CCDC148: variants seen among roughly 807,000 people sequenced by gnomAD.
CCDC148 encodes coiled-coil domain containing 148.
Under a neutral mutation model 85.7 loss-of-function variants are expected in CCDC148, and 89 were observed. The ratio of observed to expected loss-of-function variants is 1.04; its 90% CI spans 0.87 to 1.24. The LOEUF is 1.24. Ranked by LOEUF, CCDC148 falls within the 50% of genes most tolerant of loss-of-function variation. The pLI is 0.00. For synonymous variants in CCDC148, 230 were observed against 213.9 expected (o/e 1.08, Z -0.66); for missense variants, 692 against 671.7 (o/e 1.03, Z -0.33).
chr2:158,226,621 A>T (rs376125774), intron 10 of CCDC148, among the ~76,000 whole-genome samples: 13 of 152,268 alleles, frequency 8.5e-5, no homozygotes, highest in East Asian at 7.7e-4. Flanking sequence ...TCAAGTGGGC[A>T]TCATCCCTGG....
At chr2:158,336,111 G>A (rs1052464962) in intron 7 of CCDC148, among the ~76,000 whole-genome samples, 2 of 152,062 alleles carry the variant, frequency 1.3e-5, no homozygotes, top group Non-Finnish European at 2.9e-5. Context: ...CAATCTATGT[G>A]AGCCCAATAA....
At chr2:158,311,276 C>A (rs1263004754) in intron 8 of CCDC148, among the ~76,000 whole-genome samples, 1 of 152,236 alleles carries the variant, frequency 6.6e-6, no homozygotes. Flanking sequence ...TGGAGACCAG[C>A]CCGGCCAACA....
At chr2:158,325,792 A>G (rs1692740687) in intron 7 of CCDC148, among the ~76,000 whole-genome samples, 1 of 152,180 alleles carries the variant, frequency 6.6e-6, no homozygotes, top group South Asian at 2.1e-4. Context: ...ACTATTTGGA[A>G]CTATTCTTGT....
At chr2:158,309,992 T>C (rs1287748578) in intron 8 of CCDC148, among the ~76,000 whole-genome samples, 1 of 152,230 alleles carries the variant, frequency 6.6e-6, no homozygotes, top group Non-Finnish European at 1.5e-5. Flanking sequence ...GGCAGGGTCA[T>C]AGGACAATAG....
rs2253903 is a variant in CCDC148, at chr2:158,406,758, A to T, written c.26-48188T>A. Among the ~76,000 whole-genome samples the T allele has an allele frequency of 4.6e-3, 702 of 151,248 alleles. 1 individual carries two copies. Among genetic ancestry groups the T allele is most frequent in the African/African-American group, 0.016 (640 of 41,156 alleles). On this transcript the variant is annotated intron_variant, in intron 1 of 13. Coordinates refer to ENST00000283233, the MANE Select transcript of CCDC148 (RefSeq NM_138803.4). Reference sequence around the variant, plus strand: ...CCACCTCAGCCTCCCAAGTAGCTGGAGCTAGAGGCATGCACTGCCATGCCC... The same window carrying T: ...CCACCTCAGCCTCCCAAGTAGCTGGTGCTAGAGGCATGCACTGCCATGCCC...
At chr2:158,175,317 T>C (rs1204291533) in intron 13 of CCDC148, among the ~76,000 whole-genome samples, 1 of 126,014 alleles carries the variant, frequency 7.9e-6, no homozygotes, top group South Asian at 3.0e-4. Context: ...TCTCCCTATG[T>C]ATCCTCCCCC....
At chr2:158,332,898 T>TG (rs963378236) in intron 7 of CCDC148, among the ~76,000 whole-genome samples, 85 of 151,852 alleles carry the variant, frequency 5.6e-4, no homozygotes, top group Middle Eastern at 6.8e-3. Context: ...ACATGTTTTT[T>TG]TGTGTCTACT....
At chr2:158,336,366 C>A (rs1458306125) in intron 7 of CCDC148, among the ~76,000 whole-genome samples, 1 of 152,094 alleles carries the variant, frequency 6.6e-6, no homozygotes, top group Non-Finnish European at 1.5e-5. Context: ...TTTATTGATG[C>A]TTCATTATTT....
chr2:158,341,527 C>T (rs1024708504), intron 3 of CCDC148, among the ~76,000 whole-genome samples: 1 of 152,090 alleles, frequency 6.6e-6, no homozygotes, highest in African/African-American at 2.4e-5. Context: ...GTGGGCCAGG[C>T]TGGTCTTGAA....
At chr2:158,326,114 T>C (rs918701291) in intron 7 of CCDC148, among the ~76,000 whole-genome samples, 2 of 152,098 alleles carry the variant, frequency 1.3e-5, no homozygotes, top group Non-Finnish European at 2.9e-5. Context: ...CCCCCATCCA[T>C]ACCTCTATGA....
At chr2:158,268,249 T>C (rs539935893) in intron 9 of CCDC148, among the ~76,000 whole-genome samples, 22 of 152,140 alleles carry the variant, frequency 1.4e-4, no homozygotes, top group Non-Finnish European at 2.9e-4. Flanking sequence ...CACGTGATAT[T>C]GTCAGAGTTT....
chr2:158,202,558 A>G (rs1574391926), intron 11 of CCDC148, among the ~76,000 whole-genome samples: 1 of 152,308 alleles, frequency 6.6e-6, no homozygotes, highest in East Asian at 1.9e-4. Context: ...TTTTGTGGAA[A>G]CGGTGCCAAA....
At chr2:158,275,700 T>C (rs1689906398) in intron 9 of CCDC148, among the ~76,000 whole-genome samples, 1 of 150,482 alleles carries the variant, frequency 6.6e-6, no homozygotes, top group South Asian at 2.1e-4. Flanking sequence ...ATGCAAAGTA[T>C]TTTCTAAAAG....
intron 11 of CCDC148, among the ~76,000 whole-genome samples, chr2:158,193,975 C>G (rs1232771372): frequency 5.4e-5 from 8 of 147,480 alleles, no homozygotes; most frequent in Admixed American, 6.9e-5. Context: ...ATGTAACAAA[C>G]CTGCACGTTG....
At chr2:158,288,379 GCT>G (rs1397207192) in intron 9 of CCDC148, among the ~76,000 whole-genome samples, 2 of 152,144 alleles carry the variant, frequency 1.3e-5, no homozygotes, top group South Asian at 2.1e-4. Flanking sequence ...GAACTTTTAT[GCT>G]CTGTTTCCCT....
intron 9 of CCDC148, among the ~76,000 whole-genome samples, chr2:158,282,633 A>G (rs1690383046): frequency 6.6e-6 from 1 of 152,238 alleles, no homozygotes; most frequent in Admixed American, 6.5e-5. Flanking sequence ...TAAAGAGGAT[A>G]CACAGAAATG....
At position 158,323,985 on chromosome 2, in the gene CCDC148, G is replaced by A. The variant is rs150252843; in HGVS notation, c.765-10091C>T. 7.8e-4 allele frequency among the ~76,000 whole-genome samples: 102 copies of A among 130,542 alleles called. 2 individuals are homozygous for A. The highest frequency in any genetic ancestry group is 9.8e-3 in the Middle Eastern group (2 of 204). 85.6% of individuals were successfully genotyped at this position (130,542 alleles called of 152,430 possible). A position where few individuals can be genotyped will look rare whatever the true frequency, so the allele number is the denominator to read the frequency against. On this transcript the variant is annotated intron_variant, in intron 7 of 13. Coordinates refer to ENST00000283233, the MANE Select transcript of CCDC148 (RefSeq NM_138803.4). ...ACCCTGTTGCCCAGACTGGAGTGCC[G>A]TGGTGTGATCTCAGCTTGCCTCCCA... is the stretch of plus-strand genomic sequence containing the variant.
intron 1 of CCDC148, among the ~76,000 whole-genome samples, chr2:158,371,344 G>A (rs924231479): frequency 1.3e-5 from 2 of 151,880 alleles, no homozygotes; most frequent in Non-Finnish European, 2.9e-5. Context: ...TGCTCTTTGG[G>A]AAATAAGTAG....
chr2:158,349,158 T>C (rs1000764943), intron 2 of CCDC148, among the ~76,000 whole-genome samples: 5 of 152,040 alleles, frequency 3.3e-5, no homozygotes. Flanking sequence ...ATCAGACAGG[T>C]AGCTAAGTAT....
Sources: gnomAD v4.1 joint callset for allele counts (sites outside exome capture counted in the v4.1 genomes callset) on GRCh38, gnomAD v4.1.1 for gene constraint, MANE v1.5 for transcripts, NCBI Gene and HGNC (gene_info 2026-07-23, HGNC 2026-07-21) for gene names.